Variants in NDUFA10 observed in about 807,000 individuals in gnomAD.
NDUFA10 encodes the protein NADH:ubiquinone oxidoreductase subunit A10, also known as NADH dehydrogenase [ubiquinone] 1 alpha subcomplex subunit 10, mitochondrial.
In NDUFA10, 40 loss-of-function variants were observed where a neutral mutation model predicts 47.8. That is an observed-to-expected ratio of 0.84 (90% CI 0.65 to 1.09). The LOEUF is 1.09. Among genes scored for constraint, NDUFA10 ranks in the 50% least tolerant of loss-of-function variants. The pLI is 0.00. For synonymous variants in NDUFA10, 183 were observed against 172.2 expected (o/e 1.06, Z -0.49); for missense variants, 413 against 451.1 (o/e 0.92, Z 0.76).
intron 1 of NDUFA10, among the ~76,000 whole-genome samples, chr2:240,024,608 T>C (rs147085205): frequency 2.0e-5 from 3 of 152,306 alleles, no homozygotes; most frequent in East Asian, 1.9e-4. Context: ...TAGAACCTTA[T>C]AGCACAAAGA....
rs2106388515 is a variant in NDUFA10, at chr2:239,957,530, T to C, written c.*3588A>G. On this transcript the variant is annotated 3_prime_UTR_variant, in exon 10 of 10. Coordinates refer to ENST00000252711, the MANE Select transcript of NDUFA10 (RefSeq NM_004544.4). ...TGTGAAAAATTTACTATTAAAATAA[T>C]TTTTAAATTAAGAATTTTAAAACTA... The C allele has an allele frequency of 6.6e-6, 1 of 152,376 alleles. No homozygotes were observed. Among genetic ancestry groups the C allele is most frequent in the South Asian group, 2.1e-4 (1 of 4,826 alleles). 9.4% of individuals were successfully genotyped at this position (152,376 alleles called of 1,614,324 possible).
At chr2:240,000,094 C>T (rs986113028) in intron 8 of NDUFA10, among the ~76,000 whole-genome samples, 1 of 152,224 alleles carries the variant, frequency 6.6e-6, no homozygotes, top group Non-Finnish European at 1.5e-5. Context: ...GTACAGAATA[C>T]CTGATATTCT....
At chr2:240,002,138 T>C (rs1335403251) in intron 8 of NDUFA10, among the ~76,000 whole-genome samples, 1 of 152,086 alleles carries the variant, frequency 6.6e-6, no homozygotes, top group Non-Finnish European at 1.5e-5. Flanking sequence ...AAGACCAGTC[T>C]GCCCAACATG....
At chr2:239,925,003 G>A (rs1284348764) in intron 4 of NDUFA10, among the ~76,000 whole-genome samples, 2 of 152,118 alleles carry the variant, frequency 1.3e-5, no homozygotes, top group African/African-American at 2.4e-5. Context: ...AACATGCCAT[G>A]TGCAGGATCT....
chr2:239,893,370 G>A (rs998630586), intron 5 of NDUFA10, among the ~76,000 whole-genome samples: 1 of 152,176 alleles, frequency 6.6e-6, no homozygotes, highest in Admixed American at 6.5e-5. Context: ...GTGCCAATAC[G>A]GCAGCCCTGC....
chr2:239,951,395 T>C (rs1369324933), intron 4 of NDUFA10, among the ~76,000 whole-genome samples: 1 of 152,128 alleles, frequency 6.6e-6, no homozygotes, highest in East Asian at 1.9e-4. Context: ...GTGGTTGAGA[T>C]TGGGAAGAAA....
intron 4 of NDUFA10, among the ~76,000 whole-genome samples, chr2:239,925,277 T>C (rs1694047991): frequency 6.6e-6 from 1 of 152,156 alleles, no homozygotes; most frequent in African/African-American, 2.4e-5. Context: ...TCACTCTACC[T>C]GATTTTAATT....
intron 4 of NDUFA10, among the ~76,000 whole-genome samples, chr2:239,916,971 C>A (rs1041226522): frequency 6.6e-5 from 10 of 152,246 alleles, no homozygotes; most frequent in Non-Finnish European, 1.5e-5. Context: ...CATTACAGGG[C>A]AGACATGAAA....
At chr2:239,900,601 G>T (rs1559262588) in intron 4 of NDUFA10, among the ~76,000 whole-genome samples, 1 of 150,562 alleles carries the variant, frequency 6.6e-6, no homozygotes, top group Non-Finnish European at 1.5e-5. Flanking sequence ...CCATGTGTGT[G>T]GGCTAGGGGT....
chr2:240,010,156 T>C (rs192623849), intron 6 of NDUFA10, among the ~76,000 whole-genome samples: 2 of 152,358 alleles, frequency 1.3e-5, no homozygotes, highest in East Asian at 1.9e-4. Flanking sequence ...CATTCTTCAA[T>C]GTGTGACAAA....
At chr2:239,957,116 G>A (rs1444218461), downstream of NDUFA10, among the ~76,000 whole-genome samples, 2 of 152,120 alleles carry the variant, frequency 1.3e-5, no homozygotes, top group Non-Finnish European at 2.9e-5. Context: ...CTGCGGGCTC[G>A]CCAAGTCTCA....
chr2:239,904,887 G>T (rs1343637923), intron 4 of NDUFA10, among the ~76,000 whole-genome samples: 1 of 152,164 alleles, frequency 6.6e-6, no homozygotes, highest in African/African-American at 2.4e-5. Context: ...GGCTTCCTTG[G>T]CTTGTGGTGG....
intron 4 of NDUFA10, among the ~76,000 whole-genome samples, chr2:239,911,819 G>A (rs13417434): frequency 0.019 from 2,909 of 151,600 alleles, 90 homozygotes; most frequent in African/African-American, 0.067. Context: ...CCACGCCCTC[G>A]GTGACCAGCA....
At chr2:239,903,795 A>C (rs1693597200) in intron 4 of NDUFA10, among the ~76,000 whole-genome samples, 1 of 152,168 alleles carries the variant, frequency 6.6e-6, no homozygotes, top group African/African-American at 2.4e-5. Flanking sequence ...TTTTGTTGGC[A>C]GCTGCCGGTT....
intron 8 of NDUFA10, among the ~76,000 whole-genome samples, chr2:240,002,013 T>G (rs1696739688): frequency 1.3e-5 from 2 of 152,158 alleles, no homozygotes; most frequent in African/African-American, 2.4e-5. Context: ...TGTGCTTTAC[T>G]TCCATCTCCT....
rs186890515 is a variant in NDUFA10 at position 239,947,453 on chromosome 2, A to G, written c.294+42621T>C. ...AGCCAAATGCTCGGCCTAAGGAAGA[A>G]GCTGGACAAAGACCGGGAGGCAGCT... On this transcript the variant is annotated intron_variant, in intron 4 of 5. Coordinates refer to the NDUFA10 transcript ENST00000419408. Among the ~76,000 whole-genome samples the G allele has an allele frequency of 8.1e-4, 123 of 152,326 alleles. 2 individuals are homozygous for G. In the South Asian group the frequency reaches 0.014, roughly 17 times the overall value.
chr2:239,941,772 T>C (rs1196893374), intron 4 of NDUFA10, among the ~76,000 whole-genome samples: 2 of 151,654 alleles, frequency 1.3e-5, no homozygotes, highest in Non-Finnish European at 2.9e-5. Flanking sequence ...GAAAAAAAAT[T>C]CCAAATTCCT....
intron 4 of NDUFA10, among the ~76,000 whole-genome samples, chr2:239,932,814 C>T (rs1017915220): frequency 2.0e-5 from 3 of 152,196 alleles, no homozygotes; most frequent in Non-Finnish European, 4.4e-5. Context: ...ATCTCCTGAC[C>T]TCGTGATCCA....
downstream of NDUFA10, among the ~76,000 whole-genome samples, chr2:239,956,775 C>T (rs1198260114): frequency 2.6e-5 from 4 of 152,210 alleles, no homozygotes; most frequent in Admixed American, 6.5e-5. Context: ...ACGGCGGAGC[C>T]GGGCAGCAGA....
Sources: allele counts gnomAD v4.1 joint callset (sites outside exome capture counted in the v4.1 genomes callset), GRCh38; gene constraint gnomAD v4.1.1; transcripts MANE v1.5; gene names NCBI Gene and HGNC (gene_info 2026-07-23, HGNC 2026-07-21).